MALRD1: variants seen among roughly 807,000 people sequenced by gnomAD.
MALRD1 encodes MAM and LDL receptor class A domain containing 1, also known as MAM and LDL-receptor class A domain-containing protein 1.
In MALRD1, 247 loss-of-function variants were observed where a neutral mutation model predicts 242.1. The observed-to-expected ratio is 1.02, with a 90% CI of 0.92 to 1.13. MALRD1 has a LOEUF of 1.13. Ranked by LOEUF, MALRD1 falls within the 50% of genes most tolerant of loss-of-function variation. The probability of loss-of-function intolerance (pLI) is 0.00; values close to 1 mark genes in which losing one functional copy is unlikely to be tolerated. For missense variants in MALRD1, 2,989 were observed against 2,533.1 expected, an observed-to-expected ratio of 1.18 and a Z score of -3.86; for synonymous variants, 995 against 866.6, an observed-to-expected ratio of 1.15 and a Z score of -2.60.
intron 16 of MALRD1, 52 bp from the exon 17 acceptor site, chr10:19,204,846 A>G: frequency 6.8e-6 from 10 of 1,460,316 alleles, no homozygotes; most frequent in Non-Finnish European, 9.1e-6. Flanking sequence ...AAGGTTAAAT[A>G]TGTAGTCTAT....
intron 38 of MALRD1, among the ~76,000 whole-genome samples, chr10:19,714,363 G>C (rs1266255637): frequency 1.3e-5 from 2 of 152,164 alleles, no homozygotes; most frequent in Non-Finnish European, 2.9e-5. Flanking sequence ...GCATCGTTCA[G>C]CTGGTCAGCC....
chr10:19,183,880 T>C (rs1010634821), intron 14 of MALRD1, among the ~76,000 whole-genome samples: 1 of 152,232 alleles, frequency 6.6e-6, no homozygotes, highest in African/African-American at 2.4e-5. Context: ...TTACTTAAAA[T>C]GTAACCCAGG....
At chr10:19,551,230 C>G (rs1002520019) in intron 32 of MALRD1, among the ~76,000 whole-genome samples, 6 of 152,108 alleles carry the variant, frequency 3.9e-5, no homozygotes, top group Admixed American at 6.6e-5. Context: ...GCACAGTATG[C>G]AAATATTTCC....
At chr10:19,115,339 G>C (rs1463792418) in intron 5 of MALRD1, among the ~76,000 whole-genome samples, 1 of 151,990 alleles carries the variant, frequency 6.6e-6, no homozygotes, top group Non-Finnish European at 1.5e-5. Context: ...TATACTCTGG[G>C]TGACCAAATA....
chr10:19,369,701 T>C (rs1845288814), intron 26 of MALRD1, among the ~76,000 whole-genome samples: 9 of 150,608 alleles, frequency 6.0e-5, no homozygotes, highest in Middle Eastern at 7.1e-3. Context: ...TATATTTAAA[T>C]ATATATAAGT....
At chr10:19,597,463 A>G (rs1196048370) in intron 34 of MALRD1, among the ~76,000 whole-genome samples, 1 of 152,204 alleles carries the variant, frequency 6.6e-6, no homozygotes, top group Non-Finnish European at 1.5e-5. Context: ...AAAATTCTAG[A>G]GCAAAATTAT....
intron 39 of MALRD1, among the ~76,000 whole-genome samples, chr10:19,731,411 A>G (rs1458961766): frequency 6.6e-6 from 1 of 152,008 alleles, no homozygotes; most frequent in Non-Finnish European, 1.5e-5. Flanking sequence ...GGTATACATT[A>G]TATTTTACTA....
chr10:19,128,152 A>G lies in MALRD1; in HGVS notation c.944-69A>G, dbSNP rs79945049. ...CTAGTTTTGAAAACTTCAGAAATGT[A>G]ATAGTTTTAGTCAGACAGAAAGAAG... On this transcript the variant is annotated intron_variant, in intron 7 of 39. Transcript: ENST00000454679. The G allele has an allele frequency of 2.8e-3, 3,035 of 1,101,546 alleles. 85 individuals carry two copies. The African/African-American group carries it at 0.045, about 16-fold the overall frequency. The allele number at this position is 1,101,546 out of a possible 1,614,324, so 68.2% of individuals were successfully genotyped here. A position where few individuals can be genotyped will look rare whatever the true frequency, so the allele number is the denominator to read the frequency against.
In MALRD1 at chr10:19,204,956, T is replaced by C. The variant is rs771577881; in HGVS notation, c.2269T>C (p.Ser757Pro). Reference sequence around the variant, plus strand: ...TGAGCTGCAGCTACATATGGAAAATTCTCATGACTCAACAGTGATTTGGAG... The same window carrying C: ...TGAGCTGCAGCTACATATGGAAAATCCTCATGACTCAACAGTGATTTGGAG... ...AAELQLHMEN[S>P]HDSTVIWRVL... Residue 757 changes from serine (S) to proline (P), a missense_variant, in exon 17 of 40, where the codon TCT becomes CCT. Ser to Pro is a moderately conservative substitution (Grantham distance 74, BLOSUM62 -1). Transcript: ENST00000454679. 4.5e-5 allele frequency: 70 copies of C among 1,550,404 alleles called. No individual in the cohort carries two copies. The highest frequency in any genetic ancestry group is 5.5e-5 in the Non-Finnish European group (63 of 1,146,906).
intron 33 of MALRD1, among the ~76,000 whole-genome samples, chr10:19,593,774 A>C (rs1372020918): frequency 6.6e-6 from 1 of 152,214 alleles, no homozygotes; most frequent in South Asian, 2.1e-4. Flanking sequence ...GAAACGTTTC[A>C]TGTAACAAAA....
chr10:19,489,327 C>T (rs1837379451), intron 29 of MALRD1: 2 of 530,008 alleles, frequency 3.8e-6, no homozygotes. Flanking sequence ...GAGTTAACTG[C>T]AGAAAACGGG....
At chr10:19,510,394 A>G (rs556298669) in intron 31 of MALRD1, among the ~76,000 whole-genome samples, 1 of 152,188 alleles carries the variant, frequency 6.6e-6, no homozygotes, top group South Asian at 2.1e-4. Flanking sequence ...CCACAAGGCC[A>G]TATTTCAGAC....
intron 31 of MALRD1, among the ~76,000 whole-genome samples, chr10:19,502,271 A>G (rs1365842307): frequency 6.6e-6 from 1 of 151,956 alleles, no homozygotes; most frequent in Non-Finnish European, 1.5e-5. Context: ...TTAAAATATA[A>G]ATAAGCAGAA....
chr10:19,241,809 G>T (rs189681919), intron 18 of MALRD1, among the ~76,000 whole-genome samples: 1 of 151,926 alleles, frequency 6.6e-6, no homozygotes, highest in Non-Finnish European at 1.5e-5. Flanking sequence ...ATCTTAATGA[G>T]ACCCATTGAT....
chr10:19,058,898 A>C (rs1834742627), intron 1 of MALRD1, among the ~76,000 whole-genome samples: 1 of 152,182 alleles, frequency 6.6e-6, no homozygotes, highest in Non-Finnish European at 1.5e-5. Context: ...ATACTATTTC[A>C]GGCAAGAGAA....
At position 19,567,566 on chromosome 10, in the gene MALRD1, C is replaced by T. The variant is rs563984099; in HGVS notation, c.5543C>T (p.Thr1848Met). Reference sequence around the variant, plus strand: ...TGGTCAGTGATTGGAAATAAAAGAACGGGATGGACATATGGCTCTGTGCCT... The same window carrying T: ...TGGTCAGTGATTGGAAATAAAAGAATGGGATGGACATATGGCTCTGTGCCT... ...LVWSVIGNKRTGWTYGSVPLS... is the reference protein window; with the variant it reads ...LVWSVIGNKRMGWTYGSVPLS... The change falls in exon 33 of 40, where the codon ACG (threonine) becomes ATG (methionine). Residue 1848 changes from threonine (T) to methionine (M), a missense_variant. Transcript: ENST00000454679. The T allele has an allele frequency of 3.9e-5, 60 of 1,550,352 alleles. No individual in the cohort carries two copies. Among genetic ancestry groups the T allele is most frequent in the Admixed American group, 1.8e-4 (9 of 50,958 alleles).
At chr10:19,677,988 G>T (rs1351770466) in intron 36 of MALRD1, among the ~76,000 whole-genome samples, 1 of 152,006 alleles carries the variant, frequency 6.6e-6, no homozygotes, top group Non-Finnish European at 1.5e-5. Flanking sequence ...TAGATCTGTG[G>T]TCTTACTTCT....
At chr10:19,690,740 A>G (rs1171691675) in intron 36 of MALRD1, among the ~76,000 whole-genome samples, 1 of 151,900 alleles carries the variant, frequency 6.6e-6, no homozygotes, top group Non-Finnish European at 1.5e-5. Flanking sequence ...AAATATAAAT[A>G]TATATACATT....
At chr10:19,251,824 T>C (rs1033182246) in intron 18 of MALRD1, among the ~76,000 whole-genome samples, 1 of 151,986 alleles carries the variant, frequency 6.6e-6, no homozygotes, top group Non-Finnish European at 1.5e-5. Flanking sequence ...GATTGGATCA[T>C]AGGGGCGAAT....
Sources: allele counts gnomAD v4.1 joint callset (sites outside exome capture counted in the v4.1 genomes callset), GRCh38; gene constraint gnomAD v4.1.1; transcripts MANE v1.5; gene names NCBI Gene and HGNC (gene_info 2026-07-23, HGNC 2026-07-21).